Variants in MRPS23 observed in about 807,000 individuals in gnomAD.
MRPS23 encodes the protein mitochondrial ribosomal protein S23, also known as small ribosomal subunit protein mS23.
In MRPS23, 14 loss-of-function variants were observed where a neutral mutation model predicts 19.8. That is an observed-to-expected ratio of 0.71 (90% CI 0.47 to 1.11). MRPS23 has a LOEUF of 1.11. MRPS23 is among the 50% of genes least tolerant of loss of function. MRPS23 has a pLI of 0.00. For missense variants in MRPS23, 242 were observed against 236.7 expected, an observed-to-expected ratio of 1.02 and a Z score of -0.15; for synonymous variants, 113 against 89.7, an observed-to-expected ratio of 1.26 and a Z score of -1.47.
At chr17:57,849,688 G>A (rs2073799505) in intron 1 of MRPS23, among the ~76,000 whole-genome samples, 1 of 152,180 alleles carries the variant, frequency 6.6e-6, no homozygotes, top group African/African-American at 2.4e-5. Flanking sequence ...GATAAGGAAG[G>A]CCCATCAGGC....
chr17:57,842,909 C>T (rs1192936530), intron 2 of MRPS23, among the ~76,000 whole-genome samples: 4 of 146,140 alleles, frequency 2.7e-5, no homozygotes, highest in African/African-American at 1.0e-4. Flanking sequence ...CACACACACA[C>T]ACACACACAC....
rs762874894 is a variant in MRPS23, at chr17:57,839,851, T to C, written c.505A>G (p.Lys169Glu). The C allele has an allele frequency of 2.5e-6, 4 of 1,614,246 alleles. No individual in the cohort carries two copies. The highest frequency in any genetic ancestry group is 1.7e-5 in the Admixed American group (1 of 60,026). The change falls in exon 5 of 5, where the codon AAA becomes GAA. Residue 169 changes from lysine to glutamate, a missense_variant. Physicochemically the swap from Lys to Glu is moderately conservative, Grantham distance 56. Transcript: ENST00000313608. Reference sequence around the variant, plus strand: ...AAATGCTGGTCCTGTGGAACTTCTTTCTGAGTCTCGTTTTCTTCCAACGCA... The same window carrying C: ...AAATGCTGGTCCTGTGGAACTTCTTCCTGAGTCTCGTTTTCTTCCAACGCA... ...QTALEENETQ[K>E]EVPQDQHLEA...
At chr17:57,845,316 A>C (rs2073765727) in intron 2 of MRPS23, among the ~76,000 whole-genome samples, 1 of 152,228 alleles carries the variant, frequency 6.6e-6, no homozygotes, top group Admixed American at 6.5e-5. Context: ...AAGTAGAACA[A>C]GAACATACTT....
rs754976250 is a variant in MRPS23 at position 57,849,263 on chromosome 17, C to G, written c.192G>C (p.Trp64Cys). Residue 64 changes from tryptophan to cysteine, a missense_variant, in exon 2 of 5, where the codon TGG becomes TGC. Transcript: ENST00000313608. ...ACGCTCTAATCCGATCCTCGTGGTA[C>G]CAGATGTCTTGGATGGGAGCTTTGG... ...GKAKAPIQDI[W>C]YHEDRIRAKF... The G allele has an allele frequency of 6.2e-7, 1 of 1,614,226 alleles. No homozygotes were observed. The highest frequency in any genetic ancestry group is 1.7e-5 in the Admixed American group (1 of 60,024).
At position 57,841,019 on chromosome 17, in the gene MRPS23, A is replaced by G. The variant is rs2144873611; in HGVS notation, c.327T>C (p.Leu109=). 6.2e-7 allele frequency: 1 copy of G among 1,614,154 alleles called. No homozygotes were observed. Among genetic ancestry groups the G allele is most frequent in the Non-Finnish European group, 8.5e-7 (1 of 1,180,034 alleles). The stretch of plus-strand genomic sequence containing the variant: ...ATAACTTCTCTTCATCTGTTTCTCC[A>G]AGTTTCTGTAGCTCAGTGTACTTCT... ...FVEKYTELQK[L]GETDEEKLFV... Residue 109 remains leucine (L), a synonymous_variant, in exon 4 of 5, where the codon CTT becomes CTC. Coordinates refer to ENST00000313608, the MANE Select transcript of MRPS23 (RefSeq NM_016070.4).
intron 1 of MRPS23, 135 bp downstream of exon 1, chr17:57,849,832 G>T: frequency 9.8e-7 from 1 of 1,019,190 alleles, no homozygotes; most frequent in Non-Finnish European, 1.4e-6. Flanking sequence ...ACATGAGAGG[G>T]CCTCACCCAG....
rs1309360878 is a variant in MRPS23, at chr17:57,849,387, C to T, written c.68G>A (p.Gly23Glu). Reference sequence around the variant, plus strand: ...CCACAGGGGCTTCTCCTTCAGCACCCCGGCCCGAACCAGGTCCCGAGTCCT... The same window carrying T: ...CCACAGGGGCTTCTCCTTCAGCACCTCGGCCCGAACCAGGTCCCGAGTCCT... ...FSRTRDLVRA[G>E]VLKEKPLWFD... Residue 23 changes from glycine to glutamate, a missense_variant, in exon 2 of 5, where the codon GGG (glycine) becomes GAG (glutamate). Physicochemically the swap from Gly to Glu is moderately conservative, Grantham distance 98. Coordinates refer to ENST00000313608, the MANE Select transcript of MRPS23 (RefSeq NM_016070.4). 1 of 1,614,036 alleles carries T rather than the reference C, an allele frequency of 6.2e-7. No homozygotes were observed. The highest frequency in any genetic ancestry group is 1.3e-5 in the African/African-American group (1 of 75,058).
At chr17:57,843,546 T>C (rs930053062) in intron 2 of MRPS23, among the ~76,000 whole-genome samples, 9 of 152,320 alleles carry the variant, frequency 5.9e-5, no homozygotes, top group Admixed American at 2.0e-4. Flanking sequence ...TGTGATGGTA[T>C]TTAGAGATGG....
rs185639715 is a variant in MRPS23, at chr17:57,849,646, G to A, written c.45-236C>T. On this transcript the variant is annotated intron_variant, in intron 1 of 4. Transcript: ENST00000313608. ...GTGCGTCCCACCCACGTTCGGTCAC[G>A]GAAAAATGCAAAGAGCGGTCTTGCA... Among the ~76,000 whole-genome samples the A allele has an allele frequency of 5.3e-5, 8 of 152,264 alleles. No individual in the cohort carries two copies. The East Asian group carries it at 1.5e-3, about 29-fold the overall frequency.
At position 57,839,649 on chromosome 17, in the gene MRPS23, G is replaced by GAAATAACT; in HGVS notation, c.*126_*133dup. 2 of 1,178,904 alleles carry GAAATAACT rather than the reference G, an allele frequency of 1.7e-6. No homozygotes were observed. The highest frequency in any genetic ancestry group is 2.3e-6 in the Non-Finnish European group (2 of 862,482). The allele number at this position is 1,178,904 out of a possible 1,614,324, so 73.0% of individuals were successfully genotyped here. On this transcript the variant is annotated 3_prime_UTR_variant, in exon 5 of 5. Coordinates refer to ENST00000313608, the MANE Select transcript of MRPS23 (RefSeq NM_016070.4). ...TGATACTGAGCTTTGTGACAACCCAGAAATAACTAAGAGAAGGCAAACATA... is the reference window on the plus strand; with the variant it reads ...TGATACTGAGCTTTGTGACAACCCAGAAATAACTAAATAACTAAGAGAAGGCAAACATA...
rs1323484405 is a variant in MRPS23 at position 57,849,177 on chromosome 17, C to T, written c.215+63G>A. 3 of 1,569,046 alleles carry T rather than the reference C, an allele frequency of 1.9e-6. No individual in the cohort carries two copies. In the African/African-American group the frequency reaches 4.1e-5, roughly 21 times the overall value. On this transcript the variant is annotated intron_variant, in intron 2 of 4. Transcript: ENST00000313608. Reference sequence around the variant, plus strand: ...ATTTCATGTTTGAATTCCCAGACTGCTACCGAAACCTTCCCTTCTGAAGTT... The same window carrying T: ...ATTTCATGTTTGAATTCCCAGACTGTTACCGAAACCTTCCCTTCTGAAGTT...
chr17:57,849,489 G>A (rs2073798395), intron 1 of MRPS23, 79 bp from the exon 2 acceptor site: 2 of 1,525,690 alleles, frequency 1.3e-6, no homozygotes, highest in Non-Finnish European at 1.8e-6. Flanking sequence ...CACAGTTTGG[G>A]ACATTAAAGG....
chr17:57,849,537 C>T, intron 1 of MRPS23, 127 bp from the exon 2 acceptor site: 1 of 1,104,388 alleles, frequency 9.1e-7, no homozygotes, highest in Non-Finnish European at 1.3e-6. Flanking sequence ...GGAAGGACTG[C>T]TCCCCACCTA....
At chr17:57,845,441 T>C (rs899221586) in intron 2 of MRPS23, among the ~76,000 whole-genome samples, 1 of 152,046 alleles carries the variant, frequency 6.6e-6, no homozygotes, top group Non-Finnish European at 1.5e-5. Flanking sequence ...GAAACAACAG[T>C]AAGAATAAGG....
At chr17:57,846,243 G>C (rs981774143) in intron 2 of MRPS23, among the ~76,000 whole-genome samples, 1 of 143,394 alleles carries the variant, frequency 7.0e-6, no homozygotes, top group Non-Finnish European at 1.5e-5. Context: ...CCCCGTCCGG[G>C]AGGGAGGTGG....
chr17:57,848,346 G>A (rs888556942), intron 2 of MRPS23, among the ~76,000 whole-genome samples: 7 of 143,874 alleles, frequency 4.9e-5, no homozygotes, highest in African/African-American at 1.7e-4. Context: ...AAAGAGAAAA[G>A]GGATGCTAAA....
chr17:57,844,629 G>A (rs926324659), intron 2 of MRPS23, among the ~76,000 whole-genome samples: 2 of 148,204 alleles, frequency 1.3e-5, no homozygotes, highest in South Asian at 2.1e-4. Context: ...AAATTAGCCC[G>A]CCGTGGTGAC....
intron 2 of MRPS23, among the ~76,000 whole-genome samples, chr17:57,845,440 G>C (rs1253582813): frequency 1.3e-5 from 2 of 152,100 alleles, no homozygotes; most frequent in Non-Finnish European, 2.9e-5. Flanking sequence ...TGAAACAACA[G>C]TAAGAATAAG....
chr17:57,849,808 G>C (rs1312143385), intron 1 of MRPS23, 159 bp downstream of exon 1: 13 of 835,498 alleles, frequency 1.6e-5, no homozygotes, highest in African/African-American at 1.6e-4. Context: ...ACAACTATTC[G>C]GAGCCAGGAG....
Sources: allele counts gnomAD v4.1 joint callset (sites outside exome capture counted in the v4.1 genomes callset), GRCh38; gene constraint gnomAD v4.1.1; transcripts MANE v1.5; gene names NCBI Gene and HGNC (gene_info 2026-07-23, HGNC 2026-07-21).